Variants in ZFAND1 observed in about 807,000 individuals in gnomAD.
ZFAND1 encodes the protein AN1-type zinc finger protein 1.
A neutral mutation model predicts 38.5 loss-of-function variants in ZFAND1; 40 were observed. The observed-to-expected ratio is 1.04, with a 90% CI of 0.81 to 1.35. ZFAND1 has a LOEUF of 1.35. Among genes scored for constraint, ZFAND1 ranks in the 40% most tolerant of loss-of-function variants. The pLI is 0.00. For missense variants in ZFAND1, 346 were observed against 316.3 expected, an observed-to-expected ratio of 1.09 and a Z score of -0.71; for synonymous variants, 117 against 103.6, an observed-to-expected ratio of 1.13 and a Z score of -0.78.
At chr8:81,714,176 T>C in intron 5 of ZFAND1, 137 bp from the exon 6 acceptor site, 1 of 784,600 alleles carries the variant, frequency 1.3e-6, no homozygotes, top group Non-Finnish European at 1.9e-6. Flanking sequence ...ACATTCATTG[T>C]ATAGGTATTG....
intron 1 of ZFAND1, among the ~76,000 whole-genome samples, chr8:81,719,310 A>AACACAC (rs71268018): frequency 0.096 from 11,941 of 124,732 alleles, 635 homozygotes; most frequent in African/African-American, 0.12. Flanking sequence ...CTCTACTGAA[A>AACACAC]ACACACACAC....
rs944731519 is a variant in ZFAND1 at position 81,701,651 on chromosome 8, A to G, written c.*1044T>C. On this transcript the variant is annotated 3_prime_UTR_variant, in exon 8 of 8. Coordinates refer to ENST00000220669, the MANE Select transcript of ZFAND1 (RefSeq NM_024699.3). ...TAATGAATGAAAGTACAAGAACATA[A>G]TAAAAGTTGGAAATTATCTCCATTC... 5 of 152,244 alleles carry G rather than the reference A, an allele frequency of 3.3e-5. No individual in the cohort carries two copies. Among genetic ancestry groups the G allele is most frequent in the Non-Finnish European group, 1.5e-5 (1 of 68,040 alleles). The allele number at this position is 152,244 out of a possible 1,614,324, so 9.4% of individuals were successfully genotyped here.
chr8:81,714,585 A>C (rs989848287), intron 5 of ZFAND1: 5 of 487,930 alleles, frequency 1.0e-5, no homozygotes, highest in African/African-American at 9.7e-5. Flanking sequence ...TCAGCAAAAG[A>C]GATAAGTACT....
Position 81,715,067 on chromosome 8 carries a change from G to C in ZFAND1, c.186C>G (p.Tyr62Ter), listed in dbSNP as rs150915150. Residue 62 changes from tyrosine (Y) to a stop codon, truncating the protein, a stop_gained, in exon 4 of 8, where the codon TAC (tyrosine) becomes TAG (stop). Coordinates refer to ENST00000220669, the MANE Select transcript of ZFAND1 (RefSeq NM_024699.3). LOFTEE classifies it high-confidence loss of function. ...CAGCACAGTCTTTGAAAGAGCATGGGTAAGATGTATGTTGATCTGTCTTCA... is the reference window on the plus strand; with the variant it reads ...CAGCACAGTCTTTGAAAGAGCATGGCTAAGATGTATGTTGATCTGTCTTCA... ...ERLKTDQHTS[Y>*]PCSFKDCAER... The C allele has an allele frequency of 1.3e-4, 213 of 1,613,890 alleles. No homozygotes were observed. Among genetic ancestry groups the C allele is most frequent in the Non-Finnish European group, 1.5e-4 (173 of 1,179,962 alleles).
In ZFAND1 at chr8:81,703,055, A is replaced by C. The variant is rs1807861041; in HGVS notation, c.550T>G (p.Cys184Gly). 9 of 1,580,240 alleles carry C rather than the reference A, an allele frequency of 5.7e-6. No individual in the cohort carries two copies. Among genetic ancestry groups the C allele is most frequent in the Admixed American group, 1.7e-5 (1 of 58,316 alleles). ...SKEKSKPMFF[C>G]HRWSIGKAID... The stretch of plus-strand genomic sequence containing the variant: ...GCCTTTCCAATGCTCCATCGGTGGC[A>C]AAAGAACATTGGTTTGCTCTTCTCT... The change falls in exon 7 of 8, where the codon TGC becomes GGC. Residue 184 changes from cysteine to glycine, a missense_variant. Transcript: ENST00000220669.
At chr8:81,715,789 AC>A (rs1442806381) in intron 3 of ZFAND1, among the ~76,000 whole-genome samples, 1 of 152,130 alleles carries the variant, frequency 6.6e-6, no homozygotes, top group Non-Finnish European at 1.5e-5. Flanking sequence ...TAATAGTTAC[AC>A]CTTGTTGGAA....
intron 4 of ZFAND1, 33 bp downstream of exon 4, chr8:81,714,946 AACAGATAT>A (rs1808257324): frequency 6.2e-7 from 1 of 1,614,048 alleles, no homozygotes; most frequent in South Asian, 1.1e-5. Context: ...ATAGCACTTA[AACAGATAT>A]ACAAAGTGTG....
Position 81,714,836 on chromosome 8 carries a change from G to T in ZFAND1, c.326C>A (p.Ala109Asp), listed in dbSNP as rs1010851890. ...EKLEIPKPRM[A>D]ATQKLVKDII... ...GTCTTTAACAAGTTTCTGAGTGGCA[G>T]CCATTCGAGGCTTTGGGATTTCCAG... The change falls in exon 5 of 8, where the codon GCT becomes GAT. Residue 109 changes from alanine to aspartate, a missense_variant. By Grantham distance (126) the Ala-to-Asp change is moderately radical. Transcript: ENST00000220669. 6.2e-7 allele frequency: 1 copy of T among 1,614,098 alleles called. No individual in the cohort carries two copies. The highest frequency in any genetic ancestry group is 8.5e-7 in the Non-Finnish European group (1 of 1,179,940).
chr8:81,713,573 C>G (rs1808207716), intron 6 of ZFAND1, among the ~76,000 whole-genome samples: 2 of 151,942 alleles, frequency 1.3e-5, no homozygotes, highest in African/African-American at 4.8e-5. Context: ...AGAAACTCTT[C>G]TACATATACA....
intron 6 of ZFAND1, among the ~76,000 whole-genome samples, chr8:81,706,123 T>C (rs1413113699): frequency 6.6e-6 from 1 of 151,876 alleles, no homozygotes; most frequent in African/African-American, 2.4e-5. Flanking sequence ...ACAAGAAATC[T>C]TAAAAGCTAC....
In ZFAND1 at chr8:81,702,617, A is replaced by C; in HGVS notation, c.*78T>G. ...AGCAACTTTTAAAAATTACAAAAATAGTATTTGTAGTAAAATAAATGGACT... is the reference window on the plus strand; with the variant it reads ...AGCAACTTTTAAAAATTACAAAAATCGTATTTGTAGTAAAATAAATGGACT... On this transcript the variant is annotated 3_prime_UTR_variant, in exon 8 of 8. Transcript: ENST00000220669. 1 of 1,142,980 alleles carries C rather than the reference A, an allele frequency of 8.7e-7. No individual in the cohort carries two copies. The highest frequency in any genetic ancestry group is 1.2e-6 in the Non-Finnish European group (1 of 863,474). 70.8% of individuals were successfully genotyped at this position (1,142,980 alleles called of 1,614,324 possible).
chr8:81,718,086 G>T, intron 2 of ZFAND1, 96 bp downstream of exon 2: 2 of 1,008,440 alleles, frequency 2.0e-6, no homozygotes, highest in Non-Finnish European at 2.9e-6. Flanking sequence ...AATGGCTAAA[G>T]TAACAATTAT....
chr8:81,708,114 G>C (rs992523158), intron 6 of ZFAND1, among the ~76,000 whole-genome samples: 2 of 152,056 alleles, frequency 1.3e-5, no homozygotes, highest in African/African-American at 2.4e-5. Context: ...CCGGGCCATG[G>C]TGGCACATGC....
At chr8:81,713,245 C>T (rs1288193543) in intron 6 of ZFAND1, among the ~76,000 whole-genome samples, 2 of 118,748 alleles carry the variant, frequency 1.7e-5, no homozygotes, top group African/African-American at 6.2e-5. Flanking sequence ...GCCTCAGCGT[C>T]CCGAGTAGCT....
At position 81,702,829 on chromosome 8, in the gene ZFAND1, A is replaced by G. The variant is rs930731089; in HGVS notation, c.673T>C (p.Leu225=). ...GTTTCCAAAGTATGATCCAAGGGTA[A>G]GGCTTCTCCTGAAGTAATGTGACAC... ...RLCHITSGEA[L]PLDHTLETWI... The change falls in exon 8 of 8, where the codon TTA becomes CTA. Residue 225 remains leucine, a synonymous_variant. Transcript: ENST00000220669. 1.9e-6 allele frequency: 3 copies of G among 1,603,576 alleles called. No individual in the cohort carries two copies. The highest frequency in any genetic ancestry group is 2.6e-6 in the Non-Finnish European group (3 of 1,176,174).
At chr8:81,717,143 C>A in intron 3 of ZFAND1, 106 bp downstream of exon 3, 1 of 936,872 alleles carries the variant, frequency 1.1e-6, no homozygotes, top group Non-Finnish European at 1.6e-6. Context: ...GTTTAGTATG[C>A]CAAACTTTAA....
chr8:81,708,247 T>G (rs1197514186), intron 6 of ZFAND1, among the ~76,000 whole-genome samples: 6 of 33,336 alleles, frequency 1.8e-4, no homozygotes, highest in Admixed American at 3.7e-4. Flanking sequence ...CAAAGCTCCA[T>G]CAAAAAAAAA....
At chr8:81,711,689 G>A (rs751324994) in intron 6 of ZFAND1, among the ~76,000 whole-genome samples, 1 of 152,092 alleles carries the variant, frequency 6.6e-6, no homozygotes, top group Admixed American at 6.5e-5. Flanking sequence ...AATGACTAAA[G>A]ACACATAAAG....
At position 81,701,771 on chromosome 8, in the gene ZFAND1, T is replaced by A. The variant is rs1419640005; in HGVS notation, c.*924A>T. 1 of 152,232 alleles carries A rather than the reference T, an allele frequency of 6.6e-6. No homozygotes were observed. The highest frequency in any genetic ancestry group is 1.9e-4 in the East Asian group (1 of 5,206). 9.4% of individuals were successfully genotyped at this position (152,232 alleles called of 1,614,324 possible). On this transcript the variant is annotated 3_prime_UTR_variant, in exon 8 of 8. Coordinates refer to ENST00000220669, the MANE Select transcript of ZFAND1 (RefSeq NM_024699.3). ...TAAGTAAACCTATAGCCACTACATA[T>A]GTCCCTGACAATTAGAACAGAAAAC...
Sources: gnomAD v4.1 joint callset for allele counts (sites outside exome capture counted in the v4.1 genomes callset) on GRCh38, gnomAD v4.1.1 for gene constraint, MANE v1.5 for transcripts, NCBI Gene and HGNC (gene_info 2026-07-23, HGNC 2026-07-21) for gene names.